The following EYS variants were observed in gnomAD, a reference collection of about 807,000 sequenced individuals.
EYS encodes EGF-like photoreceptor maintenance factor.
In EYS, 250 loss-of-function variants were observed where a neutral mutation model predicts 282.1. That is an observed-to-expected ratio of 0.89 (90% CI 0.80 to 0.98). The LOEUF is 0.98. Ranked by LOEUF, EYS falls within the 50% of genes least tolerant of loss-of-function variation. EYS has a pLI of 0.00. For missense variants in EYS, 4,016 were observed against 3,709.0 expected, an observed-to-expected ratio of 1.08 and a Z score of -2.15; for synonymous variants, 1,355 against 1,282.9, an observed-to-expected ratio of 1.06 and a Z score of -1.20.
chr6:65,377,606 A>G (rs1765423195), intron 8 of EYS, among the ~76,000 whole-genome samples: 1 of 151,808 alleles, frequency 6.6e-6, no homozygotes, highest in Non-Finnish European at 1.5e-5. Context: ...TGAAAAGATT[A>G]AAAAAATAGA....
chr6:64,248,920 G>A (rs1369272885), intron 30 of EYS, among the ~76,000 whole-genome samples: 2 of 151,808 alleles, frequency 1.3e-5, no homozygotes, highest in Non-Finnish European at 2.9e-5. Context: ...GCCAGGCATG[G>A]TGGTGCATGG....
intron 26 of EYS, among the ~76,000 whole-genome samples, chr6:64,548,479 C>A (rs1168864271): frequency 1.3e-5 from 2 of 152,160 alleles, no homozygotes; most frequent in Admixed American, 6.5e-5. Flanking sequence ...ACATATACAC[C>A]ATGGAATGCT....
At chr6:64,486,684 T>C (rs1211802972) in intron 26 of EYS, among the ~76,000 whole-genome samples, 3 of 151,346 alleles carry the variant, frequency 2.0e-5, no homozygotes, top group Non-Finnish European at 3.0e-5. Context: ...TGATCAATTC[T>C]GGAATAAACC....
intron 24 of EYS, among the ~76,000 whole-genome samples, chr6:64,603,255 C>T (rs1766818981): frequency 6.6e-6 from 1 of 152,014 alleles, no homozygotes; most frequent in Non-Finnish European, 1.5e-5. Flanking sequence ...CCTCTTCCCC[C>T]ACTTCTACTC....
At chr6:64,619,166 A>G (rs910675766) in intron 23 of EYS, among the ~76,000 whole-genome samples, 14 of 152,190 alleles carry the variant, frequency 9.2e-5, no homozygotes, top group Non-Finnish European at 1.6e-4. Context: ...TGGTAGTTAT[A>G]CACATTTATT....
intron 33 of EYS, among the ~76,000 whole-genome samples, chr6:64,035,740 C>T (rs945687736): frequency 1.3e-5 from 2 of 152,114 alleles, no homozygotes; most frequent in African/African-American, 2.4e-5. Context: ...TCATGTCATC[C>T]TAAATGCTTT....
At position 63,767,196 on chromosome 6, in the gene EYS, A is replaced by T. The variant is rs563276661; in HGVS notation, c.7899-4563T>A. Among the ~76,000 whole-genome samples the T allele has an allele frequency of 8.6e-5, 13 of 151,954 alleles. No homozygotes were observed. In the South Asian group the frequency reaches 2.5e-3, roughly 29 times the overall value. On this transcript the variant is annotated intron_variant, in intron 40 of 42. Transcript: ENST00000503581. ...CAAGACAAGGATGCCCACTCTCACC[A>T]CTCCTATTCAACACAGTAATGGAAG...
At chr6:65,321,001 A>T (rs1241137521) in intron 11 of EYS, among the ~76,000 whole-genome samples, 1 of 152,184 alleles carries the variant, frequency 6.6e-6, no homozygotes, top group East Asian at 1.9e-4. Flanking sequence ...TTCTTTTCAC[A>T]GCTGTTGGTC....
At chr6:64,814,533 T>C (rs1408761864) in intron 21 of EYS, among the ~76,000 whole-genome samples, 1 of 152,066 alleles carries the variant, frequency 6.6e-6, no homozygotes, top group Non-Finnish European at 1.5e-5. Context: ...TCTGTATATT[T>C]AGCTTCTACC....
At chr6:64,308,465 T>C (rs988261996) in intron 29 of EYS, among the ~76,000 whole-genome samples, 6 of 152,040 alleles carry the variant, frequency 3.9e-5, no homozygotes, top group Non-Finnish European at 8.8e-5. Flanking sequence ...TGAGCATTCA[T>C]TCAGATGCTG....
intron 35 of EYS, among the ~76,000 whole-genome samples, chr6:63,977,196 G>A (rs1481558302): frequency 2.0e-5 from 3 of 151,316 alleles, no homozygotes; most frequent in Non-Finnish European, 2.9e-5. Flanking sequence ...ATATTTATGG[G>A]GTACATGTGA....
intron 2 of EYS, among the ~76,000 whole-genome samples, chr6:65,638,066 C>T (rs1767151403): frequency 6.6e-6 from 1 of 152,126 alleles, no homozygotes; most frequent in South Asian, 2.1e-4. Context: ...TCGGGCCTGC[C>T]AATGACAGCC....
intron 2 of EYS, among the ~76,000 whole-genome samples, chr6:65,520,714 G>A (rs1204128447): frequency 6.6e-6 from 1 of 151,630 alleles, no homozygotes; most frequent in African/African-American, 2.4e-5. Flanking sequence ...AATAACTATT[G>A]ACTGATAATT....
intron 33 of EYS, among the ~76,000 whole-genome samples, chr6:64,002,309 A>T (rs1271894722): frequency 6.6e-6 from 1 of 151,620 alleles, no homozygotes; most frequent in African/African-American, 2.4e-5. Context: ...AAAACCTTGC[A>T]CTCTTCCTTT....
chr6:65,602,961 CTGATTGTAAGCAT>C (rs1765663246), intron 2 of EYS, among the ~76,000 whole-genome samples: 1 of 151,932 alleles, frequency 6.6e-6, no homozygotes, highest in African/African-American at 2.4e-5. Flanking sequence ...AAGTAGTAGA[CTGATTGTAAGCAT>C]TGAAGCAGGT....
chr6:64,502,378 C>G (rs978174266), intron 26 of EYS, among the ~76,000 whole-genome samples: 1 of 151,992 alleles, frequency 6.6e-6, no homozygotes, highest in African/African-American at 2.4e-5. Flanking sequence ...GTAGCTAGGA[C>G]TCCCGGCTAA....
At chr6:64,199,203 C>T (rs1280386252) in intron 31 of EYS, among the ~76,000 whole-genome samples, 1 of 152,136 alleles carries the variant, frequency 6.6e-6, no homozygotes, top group African/African-American at 2.4e-5. Context: ...GCTACAATAA[C>T]AAAAATAGCA....
intron 31 of EYS, among the ~76,000 whole-genome samples, chr6:64,085,065 T>C (rs1346575967): frequency 6.6e-6 from 1 of 152,094 alleles, no homozygotes; most frequent in African/African-American, 2.4e-5. Flanking sequence ...AGGCTGCAAC[T>C]GTGGTGCAGT....
intron 29 of EYS, among the ~76,000 whole-genome samples, chr6:64,384,084 G>C (rs557601101): frequency 3.3e-5 from 5 of 152,162 alleles, no homozygotes; most frequent in Non-Finnish European, 5.9e-5. Flanking sequence ...TTATGTTTTA[G>C]ACATTTCATA....
Sources: allele counts gnomAD v4.1 joint callset (sites outside exome capture counted in the v4.1 genomes callset), GRCh38; gene constraint gnomAD v4.1.1; transcripts MANE v1.5; gene names NCBI Gene and HGNC (gene_info 2026-07-23, HGNC 2026-07-21).